Variants in TTC34 observed in about 807,000 individuals in gnomAD.
TTC34 encodes the protein tetratricopeptide repeat domain 34.
Under a neutral mutation model 40.7 loss-of-function variants are expected in TTC34, and 44 were observed. The observed-to-expected ratio is 1.08, with a 90% confidence interval of 0.85 to 1.39. The LOEUF (loss-of-function observed/expected upper bound fraction) is 1.39. Among genes scored for constraint, TTC34 ranks in the 40% most tolerant of loss-of-function variants. The pLI is 0.00. For missense variants in TTC34, 884 were observed against 838.0 expected (o/e 1.05, Z -0.68); for synonymous variants, 422 against 398.6 (o/e 1.06, Z -0.70).
At chr1:2,686,232 T>C (rs1386244400) in intron 6 of TTC34, among the ~76,000 whole-genome samples, 348 of 61,860 alleles carry the variant, frequency 5.6e-3, no homozygotes, top group Non-Finnish European at 7.1e-3. Flanking sequence ...CCTGGAGCAG[T>C]GCCCACACCC....
intron 2 of TTC34, among the ~76,000 whole-genome samples, chr1:2,791,902 G>A (rs1045810976): frequency 6.7e-6 from 1 of 150,092 alleles, no homozygotes; most frequent in African/African-American, 2.5e-5. Flanking sequence ...TCTGTTCTTC[G>A]TATCGAGTAA....
At chr1:2,698,704 G>A (rs1452044503) in intron 6 of TTC34, among the ~76,000 whole-genome samples, 1 of 127,156 alleles carries the variant, frequency 7.9e-6, no homozygotes, top group African/African-American at 3.0e-5. Context: ...GTGAGCATTC[G>A]ACAGCCTGGA....
intron 6 of TTC34, among the ~76,000 whole-genome samples, chr1:2,771,522 A>T (rs1327335177): frequency 2.5e-5 from 2 of 78,462 alleles, no homozygotes; most frequent in Non-Finnish European, 4.5e-5. Flanking sequence ...TAGCACGCAC[A>T]CCCCCAGGCG....
chr1:2,683,536 T>A (rs1346474153), intron 6 of TTC34, among the ~76,000 whole-genome samples: 1 of 146,418 alleles, frequency 6.8e-6, no homozygotes, highest in Non-Finnish European at 1.5e-5. Flanking sequence ...TCTGATGGTC[T>A]GGAGCAGCAC....
chr1:2,699,555 C>A (rs1641032845), intron 6 of TTC34, among the ~76,000 whole-genome samples: 4 of 142,830 alleles, frequency 2.8e-5, no homozygotes, highest in Admixed American at 7.3e-5. Context: ...CATCTGACAG[C>A]CTGGAGCAGC....
chr1:2,756,946 C>T (rs1367730489), intron 6 of TTC34, among the ~76,000 whole-genome samples: 12,711 of 96,506 alleles, frequency 0.13, no homozygotes, highest in Non-Finnish European at 0.17. Context: ...AGAACCCACA[C>T]CCCCAGGTGA....
Position 2,800,535 on chromosome 1 carries a change from C to T in TTC34, c.293G>A (p.Cys98Tyr), listed in dbSNP as rs1185412510. ...CAGGATGGCGGCGGGGTGGTCCGGG[C>T]AGAGGGCGCCGAGGAAGGCAGAGGC... is the stretch of plus-strand genomic sequence containing the variant. Residue 98 changes from cysteine (C) to tyrosine (Y), a missense_variant, in exon 2 of 9, where the codon TGC becomes TAC. By Grantham distance (194) the Cys-to-Tyr change is radical. Coordinates refer to ENST00000401095, the Ensembl canonical transcript of TTC34. The T allele has an allele frequency of 9.0e-5, 36 of 398,536 alleles. No homozygotes were observed. The East Asian group carries it at 1.2e-3, about 13-fold the overall frequency. 24.7% of individuals were successfully genotyped at this position (398,536 alleles called of 1,614,324 possible).
At chr1:2,759,642 C>A (rs1298974622) in intron 6 of TTC34, among the ~76,000 whole-genome samples, 205 of 81,618 alleles carry the variant, frequency 2.5e-3, no homozygotes, top group African/African-American at 6.1e-3. Flanking sequence ...CCCACACCCC[C>A]AGGTGAGCAT....
chr1:2,799,006 CCT>C (rs1286341189), intron 2 of TTC34, among the ~76,000 whole-genome samples: 22 of 148,802 alleles, frequency 1.5e-4, no homozygotes, highest in African/African-American at 5.5e-4. Flanking sequence ...AGCCTCCCAG[CCT>C]CTCAGCCTCC....
intron 6 of TTC34, among the ~76,000 whole-genome samples, chr1:2,688,220 C>A (rs551993976): frequency 2.1e-3 from 224 of 105,124 alleles, no homozygotes; most frequent in South Asian, 0.011. Context: ...CCCAGGGGAG[C>A]ATCCGACAGC....
chr1:2,700,415 C>A (rs1252616361), intron 6 of TTC34, among the ~76,000 whole-genome samples: 1 of 111,706 alleles, frequency 9.0e-6, no homozygotes, highest in African/African-American at 2.8e-5. Flanking sequence ...ACCCACACCC[C>A]TAGGCGAGCA....
chr1:2,797,394 C>T (rs922627775), intron 2 of TTC34, among the ~76,000 whole-genome samples: 26 of 152,164 alleles, frequency 1.7e-4, no homozygotes, highest in Admixed American at 8.5e-4. Flanking sequence ...CAGGATGCCT[C>T]GTGGCCCCAC....
In TTC34 at chr1:2,645,786, A is replaced by G. The variant is rs1019457032; in HGVS notation, c.2227-223T>C. 6.6e-6 allele frequency among the ~76,000 whole-genome samples: 1 copy of G among 152,216 alleles called. No homozygotes were observed. Among genetic ancestry groups the G allele is most frequent in the African/African-American group, 2.4e-5 (1 of 41,524 alleles). On this transcript the variant is annotated intron_variant, in intron 6 of 8. Coordinates refer to ENST00000401095, the Ensembl canonical transcript of TTC34. The surrounding 1 kb of genome is among the most constrained non-coding windows in gnomAD (Gnocchi z 4.7). ...GTTAGCATTTGAGGGGACTCAGCTC[A>G]CTGACCTTGACTCTGAAAGTTGTCA...
At chr1:2,786,464 G>A (rs1298087632) in intron 4 of TTC34, among the ~76,000 whole-genome samples, 1 of 152,218 alleles carries the variant, frequency 6.6e-6, no homozygotes. Context: ...GAGTAGGTAG[G>A]GAGGGGAGTC....
intron 6 of TTC34, among the ~76,000 whole-genome samples, chr1:2,687,511 G>C (rs79622705): frequency 2.0e-4 from 30 of 146,498 alleles, no homozygotes; most frequent in East Asian, 1.7e-3. Flanking sequence ...TGACATCCTT[G>C]AGCAGCACCC....
intron 6 of TTC34, among the ~76,000 whole-genome samples, chr1:2,777,272 A>G (rs1325508106): frequency 1.0e-5 from 1 of 99,874 alleles, no homozygotes; most frequent in Non-Finnish European, 2.0e-5. Flanking sequence ...GCATCTGACA[A>G]CCTGGAGCAG....
rs1383695283 is a variant in TTC34, at chr1:2,767,797, G to T, written c.2226+15812C>A. On this transcript the variant is annotated intron_variant, in intron 6 of 8. Transcript: ENST00000401095. ...GTTGAGCATCTGACAGCCTGGGGCA[G>T]CACCCACACTCCCAGGTGAGCATCT... Among the ~76,000 whole-genome samples, 4 of 145,086 alleles carry T rather than the reference G, an allele frequency of 2.8e-5. 1 individual carries two copies. The highest frequency in any genetic ancestry group is 4.7e-4 in the South Asian group (2 of 4,278).
intron 6 of TTC34, among the ~76,000 whole-genome samples, chr1:2,684,908 C>A (rs1226289930): frequency 2.5e-5 from 3 of 119,880 alleles, no homozygotes; most frequent in Non-Finnish European, 4.9e-5. Flanking sequence ...CCTGGAACAG[C>A]ACCCTGCACA....
chr1:2,699,456 A>G (rs1377446324), intron 6 of TTC34, among the ~76,000 whole-genome samples: 1 of 52,620 alleles, frequency 1.9e-5, no homozygotes, highest in Non-Finnish European at 4.4e-5. Context: ...CCCCGCACCC[A>G]CAGGCGAGCA....
Sources: gnomAD v4.1 joint callset for allele counts (sites outside exome capture counted in the v4.1 genomes callset) on GRCh38, gnomAD v4.1.1 for gene constraint, Gnocchi (gnomAD v3.1) non-coding constraint, MANE v1.5 for transcripts, NCBI Gene and HGNC (gene_info 2026-07-23, HGNC 2026-07-21) for gene names.